ARHGAP15: variants seen among roughly 807,000 people sequenced by gnomAD.
ARHGAP15 encodes the protein Rho GTPase activating protein 15.
Under a neutral mutation model 63.7 loss-of-function variants are expected in ARHGAP15, and 51 were observed. That is an observed-to-expected ratio of 0.80 (90% CI 0.64 to 1.01). The LOEUF (loss-of-function observed/expected upper bound fraction) is 1.01, where lower values mean the gene tolerates loss of function less well. Ranked by LOEUF, ARHGAP15 falls within the 50% of genes least tolerant of loss-of-function variation. ARHGAP15 has a pLI of 0.00. For synonymous variants in ARHGAP15, 191 were observed against 193.8 expected (o/e 0.99, Z 0.12); for missense variants, 560 against 564.6 (o/e 0.99, Z 0.08).
chr2:143,346,420 G>A (rs1388171076), intron 6 of ARHGAP15, among the ~76,000 whole-genome samples: 4 of 151,962 alleles, frequency 2.6e-5, no homozygotes, highest in African/African-American at 9.7e-5. Context: ...AAACACCACG[G>A]ATTCTTTATT....
chr2:143,605,856 T>TAAAAAAAA (rs1697976875), intron 11 of ARHGAP15, among the ~76,000 whole-genome samples: 1 of 10,514 alleles, frequency 9.5e-5, no homozygotes, highest in Non-Finnish European at 2.1e-4. Context: ...TCTACTAAAA[T>TAAAAAAAA]ACAAAAAAAA....
At chr2:143,434,175 C>T (rs918386157) in intron 6 of ARHGAP15, among the ~76,000 whole-genome samples, 1 of 152,036 alleles carries the variant, frequency 6.6e-6, no homozygotes, top group African/African-American at 2.4e-5. Flanking sequence ...AGTAATCTGT[C>T]AAATTCTAGT....
chr2:143,514,078 A>T (rs1574560106), intron 9 of ARHGAP15, among the ~76,000 whole-genome samples: 1 of 152,046 alleles, frequency 6.6e-6, no homozygotes, highest in Admixed American at 6.6e-5. Context: ...AACCCTCACT[A>T]TTTTTTTACA....
chr2:143,141,380 G>A (rs1689356333), intron 1 of ARHGAP15, among the ~76,000 whole-genome samples: 1 of 152,112 alleles, frequency 6.6e-6, no homozygotes, highest in Admixed American at 6.6e-5. Flanking sequence ...TGTCTATAAT[G>A]TCCTAAGTAC....
intron 8 of ARHGAP15, among the ~76,000 whole-genome samples, chr2:143,447,552 TCA>T (rs1450688526): frequency 6.6e-6 from 1 of 152,132 alleles, no homozygotes. Flanking sequence ...TGACCTAGCT[TCA>T]GTCATTAGCT....
intron 2 of ARHGAP15, among the ~76,000 whole-genome samples, chr2:143,186,375 T>G (rs1691449087): frequency 6.6e-6 from 1 of 152,198 alleles, no homozygotes; most frequent in African/African-American, 2.4e-5. Context: ...AGTTTATAAT[T>G]CTTGTTCTTG....
At chr2:143,599,374 T>C (rs986367392) in intron 11 of ARHGAP15, among the ~76,000 whole-genome samples, 3 of 152,124 alleles carry the variant, frequency 2.0e-5, no homozygotes, top group Admixed American at 1.3e-4. Context: ...CAAAGAATAA[T>C]GTACCTTGAG....
At chr2:143,449,403 T>C (rs1288875143) in intron 8 of ARHGAP15, among the ~76,000 whole-genome samples, 1 of 152,114 alleles carries the variant, frequency 6.6e-6, no homozygotes, top group Non-Finnish European at 1.5e-5. Context: ...TAATCTCACA[T>C]GTAGCCTCTT....
intron 6 of ARHGAP15, among the ~76,000 whole-genome samples, chr2:143,303,231 G>C (rs1331020020): frequency 6.6e-6 from 1 of 151,944 alleles, no homozygotes; most frequent in Non-Finnish European, 1.5e-5. Context: ...AGGCAACCTA[G>C]AGAATGGGAG....
intron 8 of ARHGAP15, among the ~76,000 whole-genome samples, chr2:143,447,711 T>C (rs1380501710): frequency 1.3e-5 from 2 of 152,206 alleles, no homozygotes; most frequent in Non-Finnish European, 2.9e-5. Context: ...GGCTCAAAAG[T>C]AATTGCAGTT....
chr2:143,216,526 G>A (rs1692764123), intron 4 of ARHGAP15, 81 bp downstream of exon 4: 1 of 1,022,270 alleles, frequency 9.8e-7, no homozygotes, highest in Non-Finnish European at 1.5e-6. Context: ...TATTGTTTGG[G>A]ATGCAAGTCC....
At chr2:143,574,600 G>A (rs1403774521) in intron 11 of ARHGAP15, among the ~76,000 whole-genome samples, 1 of 152,092 alleles carries the variant, frequency 6.6e-6, no homozygotes, top group East Asian at 1.9e-4. Context: ...CCTCTCTATT[G>A]ATAAAGGCTG....
intron 10 of ARHGAP15, among the ~76,000 whole-genome samples, chr2:143,552,973 T>G (rs1048090479): frequency 6.6e-6 from 1 of 152,194 alleles, no homozygotes; most frequent in Non-Finnish European, 1.5e-5. Flanking sequence ...ATAAGTAGTT[T>G]GCAATCCAGC....
At chr2:143,191,066 G>A (rs1372959089) in intron 2 of ARHGAP15, among the ~76,000 whole-genome samples, 1 of 152,218 alleles carries the variant, frequency 6.6e-6, no homozygotes, top group Non-Finnish European at 1.5e-5. Context: ...ACCGCACCCG[G>A]CCCACCTATC....
In ARHGAP15 at chr2:143,259,470, T is replaced by C. The variant is rs913405494; in HGVS notation, c.474+8870T>C. ...GCTGGCTTCATTACGAGCAAATTTG[T>C]CCTTTTACTAAAGTAAGGATTGTTC... is the stretch of plus-strand genomic sequence containing the variant. On this transcript the variant is annotated intron_variant, in intron 6 of 13. Transcript: ENST00000295095. 5.9e-5 allele frequency among the ~76,000 whole-genome samples: 9 copies of C among 152,184 alleles called. No individual in the cohort carries two copies. In the East Asian group the frequency reaches 1.7e-3, roughly 29 times the overall value.
At chr2:143,658,223 TTACTCTC>T (rs1242391270) in intron 12 of ARHGAP15, among the ~76,000 whole-genome samples, 1 of 152,214 alleles carries the variant, frequency 6.6e-6, no homozygotes, top group Non-Finnish European at 1.5e-5. Flanking sequence ...ATTATCTTGT[TTACTCTC>T]TACCACTCTC....
At chr2:143,638,569 TGCAGCGCACCA>T (rs1680446717) in intron 12 of ARHGAP15, among the ~76,000 whole-genome samples, 1 of 148,628 alleles carries the variant, frequency 6.7e-6, no homozygotes. Context: ...AGTTAGTGGG[TGCAGCGCACCA>T]GCATGGCACA....
intron 13 of ARHGAP15, among the ~76,000 whole-genome samples, chr2:143,704,322 G>A (rs1239687742): frequency 2.0e-5 from 3 of 152,190 alleles, no homozygotes; most frequent in Non-Finnish European, 4.4e-5. Context: ...CCTAATGGCA[G>A]ACAACCACAG....
chr2:143,381,883 TA>T (rs989147898), intron 6 of ARHGAP15, among the ~76,000 whole-genome samples: 1 of 152,088 alleles, frequency 6.6e-6, no homozygotes, highest in Non-Finnish European at 1.5e-5. Context: ...GAGGTACAAA[TA>T]AGAGGTGATT....
Sources: gnomAD v4.1 joint callset for allele counts (sites outside exome capture counted in the v4.1 genomes callset) on GRCh38, gnomAD v4.1.1 for gene constraint, MANE v1.5 for transcripts, NCBI Gene and HGNC (gene_info 2026-07-23, HGNC 2026-07-21) for gene names.